The following LRMDA variants were observed in gnomAD, a reference collection of about 807,000 sequenced individuals.
LRMDA encodes leucine-rich melanocyte differentiation-associated protein.
LRMDA carries 18 observed loss-of-function variants against 29.8 expected under a neutral mutation model. The observed-to-expected ratio is 0.60, with a 90% CI of 0.42 to 0.90. The LOEUF (loss-of-function observed/expected upper bound fraction) is 0.90, where lower values mean the gene tolerates loss of function less well. Among genes scored for constraint, LRMDA ranks in the 40% least tolerant of loss-of-function variants. LRMDA has a pLI of 0.00. For synonymous variants in LRMDA, 125 were observed against 109.4 expected (o/e 1.14, Z -0.89); for missense variants, 273 against 273.9 (o/e 1.00, Z 0.02).
At chr10:75,970,849 T>C (rs1273413081) in intron 2 of LRMDA, among the ~76,000 whole-genome samples, 1 of 152,204 alleles carries the variant, frequency 6.6e-6, no homozygotes, top group African/African-American at 2.4e-5. Context: ...TTCCATAACA[T>C]CTAAAGAAGT....
intron 5 of LRMDA, among the ~76,000 whole-genome samples, chr10:76,216,370 A>C (rs910236618): frequency 6.6e-6 from 1 of 152,136 alleles, no homozygotes; most frequent in Non-Finnish European, 1.5e-5. Context: ...AAAAACAAAA[A>C]ACAAAAAACT....
intron 2 of LRMDA, among the ~76,000 whole-genome samples, chr10:75,817,527 A>G (rs1291242831): frequency 6.6e-6 from 1 of 152,234 alleles, no homozygotes; most frequent in African/African-American, 2.4e-5. Flanking sequence ...TGGTCAGAAA[A>G]GTCTCTTTAG....
rs535318719 is a variant in LRMDA at position 75,716,664 on chromosome 10, G to A, written c.131+278170G>A. On this transcript the variant is annotated intron_variant, in intron 2 of 6. Coordinates refer to ENST00000611255, the MANE Select transcript of LRMDA (RefSeq NM_001305581.2). ...CTGTGCATAGGAAAGGAGACCATGG[G>A]GGTTCGATGGTGCCACTTGGGAGGG... Among the ~76,000 whole-genome samples, 3 of 152,256 alleles carry A rather than the reference G, an allele frequency of 2.0e-5. No individual in the cohort carries two copies. The East Asian group carries it at 5.8e-4, about 29-fold the overall frequency.
intron 2 of LRMDA, among the ~76,000 whole-genome samples, chr10:75,602,928 C>A (rs756633352): frequency 4.6e-5 from 7 of 152,126 alleles, no homozygotes; most frequent in Non-Finnish European, 1.0e-4. Flanking sequence ...TTCTATAAAG[C>A]CCTGTCCCTC....
intron 6 of LRMDA, among the ~76,000 whole-genome samples, chr10:76,512,738 G>A (rs1030314502): frequency 6.6e-6 from 1 of 152,118 alleles, no homozygotes; most frequent in African/African-American, 2.4e-5. Flanking sequence ...CCATTAAATA[G>A]GAAGATAGTA....
intron 2 of LRMDA, among the ~76,000 whole-genome samples, chr10:75,904,190 T>C (rs567442005): frequency 1.3e-5 from 2 of 152,322 alleles, no homozygotes; most frequent in African/African-American, 4.8e-5. Flanking sequence ...CATACCTGTG[T>C]ATATTTACCA....
intron 2 of LRMDA, among the ~76,000 whole-genome samples, chr10:75,729,282 A>G (rs573651771): frequency 2.0e-5 from 3 of 152,196 alleles, no homozygotes; most frequent in African/African-American, 4.8e-5. Flanking sequence ...AGGGAGTTCT[A>G]TGTGTCCACT....
intron 5 of LRMDA, among the ~76,000 whole-genome samples, chr10:76,135,705 A>G (rs369456203): frequency 4.0e-5 from 6 of 150,604 alleles, no homozygotes; most frequent in South Asian, 2.1e-4. Context: ...TGTAGATGGC[A>G]TTTTTACTCT....
At chr10:76,147,912 C>T (rs545267608) in intron 5 of LRMDA, among the ~76,000 whole-genome samples, 5 of 152,240 alleles carry the variant, frequency 3.3e-5, no homozygotes, top group African/African-American at 1.2e-4. Flanking sequence ...CAGACTGGAC[C>T]CTCAGCTGCA....
intron 2 of LRMDA, among the ~76,000 whole-genome samples, chr10:75,781,259 T>C (rs1843379453): frequency 6.6e-6 from 1 of 152,216 alleles, no homozygotes; most frequent in African/African-American, 2.4e-5. Context: ...TTCATTCACC[T>C]CTTTGTCCCA....
In LRMDA at chr10:76,454,751, G is replaced by A. The variant is rs1842440655; in HGVS notation, c.602-102458G>A. On this transcript the variant is annotated intron_variant, in intron 6 of 6. Transcript: ENST00000611255. ...TTTCTGGAAACTGCCAGGACTATTT[G>A]TAATCTCCTGACTTTACAGAGGTCT... Among the ~76,000 whole-genome samples the A allele has an allele frequency of 2.6e-5, 4 of 151,816 alleles. No homozygotes were observed. In the South Asian group the frequency reaches 8.3e-4, roughly 32 times the overall value.
chr10:75,608,366 C>A (rs1840985610), intron 2 of LRMDA, among the ~76,000 whole-genome samples: 1 of 151,664 alleles, frequency 6.6e-6, no homozygotes, highest in African/African-American at 2.4e-5. Flanking sequence ...TCAAAGGGTA[C>A]AAAGTTTCAG....
chr10:75,775,947 C>G (rs1250784143), intron 2 of LRMDA, among the ~76,000 whole-genome samples: 1 of 152,108 alleles, frequency 6.6e-6, no homozygotes, highest in Non-Finnish European at 1.5e-5. Flanking sequence ...TGCCTCAGAC[C>G]TGGGGGCCAG....
At chr10:75,993,296 T>C (rs1394135650) in intron 2 of LRMDA, among the ~76,000 whole-genome samples, 1 of 152,100 alleles carries the variant, frequency 6.6e-6, no homozygotes, top group Non-Finnish European at 1.5e-5. Context: ...TCATTGCTGC[T>C]GATGATGATG....
chr10:75,567,836 A>T lies in LRMDA; in HGVS notation c.131+129342A>T, dbSNP rs1187302992. On this transcript the variant is annotated intron_variant, in intron 2 of 6. Transcript: ENST00000611255. ...ATCAGAAGAGATAAAATTTAAGAAG[A>T]TTATACTTGCACTTGGGCCCACTTT... 2.6e-5 allele frequency among the ~76,000 whole-genome samples: 4 copies of T among 152,312 alleles called. No homozygotes were observed. The East Asian group carries it at 7.7e-4, about 29-fold the overall frequency.
intron 3 of LRMDA, among the ~76,000 whole-genome samples, chr10:76,038,218 CT>C (rs1348759070): frequency 5.9e-5 from 9 of 152,176 alleles, no homozygotes; most frequent in African/African-American, 2.2e-4. Context: ...CTGTGAGCTT[CT>C]TTTTCTCATT....
chr10:76,384,285 A>T (rs1411772771), intron 6 of LRMDA, among the ~76,000 whole-genome samples: 1 of 152,194 alleles, frequency 6.6e-6, no homozygotes, highest in East Asian at 1.9e-4. Flanking sequence ...CAATGTATTC[A>T]TTTATTCATT....
At chr10:76,069,628 G>C (rs1470793332) in intron 5 of LRMDA, among the ~76,000 whole-genome samples, 1 of 150,000 alleles carries the variant, frequency 6.7e-6, no homozygotes, top group South Asian at 2.1e-4. Flanking sequence ...TTTTTGAAGT[G>C]GGGGATATGT....
intron 2 of LRMDA, among the ~76,000 whole-genome samples, chr10:75,735,285 T>G (rs965753124): frequency 6.6e-6 from 1 of 152,140 alleles, no homozygotes; most frequent in African/African-American, 2.4e-5. Context: ...TATAAAAGTC[T>G]TTTGTTTTGG....
Sources: allele counts gnomAD v4.1 joint callset (sites outside exome capture counted in the v4.1 genomes callset), GRCh38; gene constraint gnomAD v4.1.1; transcripts MANE v1.5; gene names NCBI Gene and HGNC (gene_info 2026-07-23, HGNC 2026-07-21).